ENPP2: variants seen among roughly 807,000 people sequenced by gnomAD.
ENPP2 encodes autotaxin.
In ENPP2, 51 loss-of-function variants were observed where a neutral mutation model predicts 120.2. The ratio of observed to expected loss-of-function variants is 0.42; its 90% CI spans 0.34 to 0.54. The LOEUF (loss-of-function observed/expected upper bound fraction) is 0.54. ENPP2 is among the 20% of genes least tolerant of loss of function. The pLI is 0.04. For missense variants in ENPP2, 920 were observed against 1,066.5 expected (o/e 0.86, Z 1.91); for synonymous variants, 365 against 366.4 (o/e 1.00, Z 0.04).
intron 9 of ENPP2, among the ~76,000 whole-genome samples, chr8:119,603,201 T>G (rs1814438060): frequency 6.7e-6 from 1 of 148,746 alleles, no homozygotes; most frequent in South Asian, 2.2e-4. Flanking sequence ...GCAAAATAAT[T>G]GCATACTTTG....
chr8:119,630,390 A>C (rs7014683), intron 2 of ENPP2, among the ~76,000 whole-genome samples: 3 of 151,982 alleles, frequency 2.0e-5, no homozygotes, highest in African/African-American at 4.8e-5. Context: ...TTACAGGCTT[A>C]AGCCACCACA....
At chr8:119,582,306 A>C (rs1248704306) in intron 18 of ENPP2, 112 bp downstream of exon 18, 1 of 789,910 alleles carries the variant, frequency 1.3e-6, no homozygotes, top group Non-Finnish European at 2.0e-6. Context: ...AGTAGCTACC[A>C]TTTTGGACAG....
intron 1 of ENPP2, among the ~76,000 whole-genome samples, chr8:119,670,012 G>C (rs1192567510): frequency 6.6e-6 from 1 of 152,134 alleles, no homozygotes; most frequent in Non-Finnish European, 1.5e-5. Context: ...GCCTTCTCTG[G>C]ATCAAGCTTA....
intron 1 of ENPP2, 61 bp from the exon 2 acceptor site, chr8:119,638,588 C>CAAAGGTG (rs1463612887): frequency 8.9e-7 from 1 of 1,118,726 alleles, no homozygotes; most frequent in African/African-American, 1.5e-5. Flanking sequence ...TCAAATTACA[C>CAAAGGTG]AAAGGTGATT....
chr8:119,657,095 C>T (rs1354839614), intron 1 of ENPP2, among the ~76,000 whole-genome samples: 1 of 151,796 alleles, frequency 6.6e-6, no homozygotes, highest in Non-Finnish European at 1.5e-5. Context: ...CGGCTAATTT[C>T]TGTATTTTTA....
chr8:119,647,034 G>A (rs1380746759), intron 1 of ENPP2, among the ~76,000 whole-genome samples: 4 of 143,008 alleles, frequency 2.8e-5, no homozygotes, highest in Admixed American at 7.2e-5. Context: ...GTTTGGCTCT[G>A]TCGCCCAGGC....
At chr8:119,600,035 T>A (rs980420913) in intron 11 of ENPP2, among the ~76,000 whole-genome samples, 1 of 150,682 alleles carries the variant, frequency 6.6e-6, no homozygotes, top group Non-Finnish European at 1.5e-5. Context: ...AAAGTCAGCC[T>A]GCTCTGCTAA....
At chr8:119,573,426 A>AAG (rs398009588) in intron 19 of ENPP2, among the ~76,000 whole-genome samples, 1 of 150,484 alleles carries the variant, frequency 6.6e-6, no homozygotes, top group East Asian at 2.0e-4. Flanking sequence ...AAAAAAAAAA[A>AAG]GATTCATTTT....
Position 119,586,274 on chromosome 8 carries a change from G to A in ENPP2, c.1279C>T (p.Gln427Ter). The change falls in exon 15 of 25, where the codon CAG becomes TAG. Residue 427 changes from glutamine to a stop codon, truncating the protein, a stop_gained. Transcript: ENST00000075322. LOFTEE classifies it high-confidence loss of function. ...TAGTGCAAACGTTTGGGAAGGTGCTGTTTCAAGTAAGGCTTAAAGTGCTGA... is the reference window on the plus strand; with the variant it reads ...TAGTGCAAACGTTTGGGAAGGTGCTATTTCAAGTAAGGCTTAAAGTGCTGA... ...PDQHFKPYLK[Q>*]HLPKRLHYAN... 6.2e-7 allele frequency: 1 copy of A among 1,613,880 alleles called. No homozygotes were observed. Among genetic ancestry groups the A allele is most frequent in the Non-Finnish European group, 8.5e-7 (1 of 1,179,816 alleles).
Position 119,569,480 on chromosome 8 carries a change from C to T in ENPP2, c.1918-110G>A, listed in dbSNP as rs193055937. 18 of 978,588 alleles carry T rather than the reference C, an allele frequency of 1.8e-5. No individual in the cohort carries two copies. In the Admixed American group the frequency reaches 4.3e-4, roughly 23 times the overall value. The allele number at this position is 978,588 out of a possible 1,614,324, so 60.6% of individuals were successfully genotyped here. A position where few individuals can be genotyped will look rare whatever the true frequency, so the allele number is the denominator to read the frequency against. ...TTGTATTCTGATTGATAGTCTGACTCCTTTTTTAAATTTTTTATCTTTGAT... is the reference window on the plus strand; with the variant it reads ...TTGTATTCTGATTGATAGTCTGACTTCTTTTTTAAATTTTTTATCTTTGAT... On this transcript the variant is annotated intron_variant, in intron 20 of 24. Transcript: ENST00000075322.
chr8:119,567,050 G>A (rs954546651), intron 22 of ENPP2, among the ~76,000 whole-genome samples: 6 of 152,004 alleles, frequency 3.9e-5, no homozygotes, highest in African/African-American at 1.2e-4. Context: ...CTCCACAATC[G>A]CCCATTCCTA....
At chr8:119,611,605 AC>A (rs1184843789) in intron 8 of ENPP2, among the ~76,000 whole-genome samples, 35 of 152,300 alleles carry the variant, frequency 2.3e-4, no homozygotes, top group African/African-American at 8.4e-4. Flanking sequence ...GAAACAAAGA[AC>A]AGTTCCATCC....
chr8:119,583,651 A>T, intron 17 of ENPP2, 66 bp downstream of exon 17: 1 of 881,100 alleles, frequency 1.1e-6, no homozygotes, highest in Non-Finnish European at 1.8e-6. Flanking sequence ...TTTCTCTGAC[A>T]TTGAGAAAGA....
chr8:119,568,490 A>G (rs1425805226), intron 21 of ENPP2, among the ~76,000 whole-genome samples: 1 of 151,936 alleles, frequency 6.6e-6, no homozygotes, highest in Non-Finnish European at 1.5e-5. Context: ...TTTTTTTCTT[A>G]CTGTCTACTT....
intron 1 of ENPP2, among the ~76,000 whole-genome samples, chr8:119,658,442 T>G (rs575597899): frequency 1.3e-5 from 2 of 152,340 alleles, no homozygotes; most frequent in South Asian, 4.1e-4. Context: ...GCTAATTTTT[T>G]AATTTTTTGT....
At chr8:119,638,898 A>G (rs1210434860), upstream of ENPP2, 1 of 1,263,772 alleles carries the variant, frequency 7.9e-7, no homozygotes. Context: ...GGAGGTTGAC[A>G]GACTCCTCTG....
intron 1 of ENPP2, among the ~76,000 whole-genome samples, chr8:119,645,226 G>A (rs529591639): frequency 1.8e-4 from 27 of 152,244 alleles, no homozygotes; most frequent in African/African-American, 5.8e-4. Flanking sequence ...CCGCCGCAGC[G>A]TGATGCCTCT....
intron 1 of ENPP2, among the ~76,000 whole-genome samples, chr8:119,660,433 C>T (rs1235935522): frequency 6.6e-6 from 1 of 152,124 alleles, no homozygotes; most frequent in African/African-American, 2.4e-5. Context: ...AGAGCCTGAG[C>T]ACTTTACCAC....
At position 119,638,530 on chromosome 8, in the gene ENPP2, A is replaced by G; in HGVS notation, c.34-3T>C. The G allele has an allele frequency of 6.7e-7, 1 of 1,496,174 alleles. No individual in the cohort carries two copies. The highest frequency in any genetic ancestry group is 9.3e-7 in the Non-Finnish European group (1 of 1,072,320). The allele number at this position is 1,496,174 out of a possible 1,614,324, so 92.7% of individuals were successfully genotyped here. ...GCAAAAGTGAACAGGGATATTATCT[A>G]AGAGAATAAAGAGACCAAGTTGTCA... On this transcript the variant is annotated splice_region_variant and splice_polypyrimidine_tract_variant and intron_variant, in intron 1 of 24. Coordinates refer to ENST00000075322, the MANE Select transcript of ENPP2 (RefSeq NM_001040092.3).
Sources: gnomAD v4.1 joint callset for allele counts (sites outside exome capture counted in the v4.1 genomes callset) on GRCh38, gnomAD v4.1.1 for gene constraint, MANE v1.5 for transcripts, NCBI Gene and HGNC (gene_info 2026-07-23, HGNC 2026-07-21) for gene names.